ARHGAP24: variants seen among roughly 807,000 people sequenced by gnomAD.
ARHGAP24 encodes the protein rho GTPase-activating protein 24.
ARHGAP24 carries 50 observed loss-of-function variants against 76.4 expected under a neutral mutation model. The ratio of observed to expected loss-of-function variants is 0.65; its 90% CI spans 0.52 to 0.83. The LOEUF is 0.83. Ranked by LOEUF, ARHGAP24 falls within the 40% of genes least tolerant of loss-of-function variation. The pLI is 0.00. For synonymous variants in ARHGAP24, 345 were observed against 323.3 expected (o/e 1.07, Z -0.72); for missense variants, 930 against 914.2 (o/e 1.02, Z -0.22).
chr4:85,907,069 C>T (rs1014225274), intron 3 of ARHGAP24, among the ~76,000 whole-genome samples: 4 of 152,150 alleles, frequency 2.6e-5, no homozygotes, highest in African/African-American at 7.2e-5. Context: ...CTGATTTACA[C>T]GAACTCTTGC....
chr4:85,807,354 G>A (rs1464302177), intron 3 of ARHGAP24, among the ~76,000 whole-genome samples: 8 of 151,492 alleles, frequency 5.3e-5, no homozygotes, highest in Admixed American at 2.6e-4. Flanking sequence ...GTGAGAACAT[G>A]TGGTATTTGG....
chr4:85,519,399 C>G (rs192426058), intron 1 of ARHGAP24, among the ~76,000 whole-genome samples: 46 of 152,256 alleles, frequency 3.0e-4, no homozygotes, highest in South Asian at 1.7e-3. Context: ...CTACCTGGCT[C>G]TCTCCACATA....
intron 2 of ARHGAP24, among the ~76,000 whole-genome samples, chr4:85,587,603 G>GT (rs1727914032): frequency 6.6e-6 from 1 of 152,102 alleles, no homozygotes; most frequent in African/African-American, 2.4e-5. Flanking sequence ...CAGCCAGTGA[G>GT]TTTTTTTCTT....
At chr4:85,781,426 A>G (rs1232860862) in intron 3 of ARHGAP24, among the ~76,000 whole-genome samples, 1 of 152,210 alleles carries the variant, frequency 6.6e-6, no homozygotes, top group East Asian at 1.9e-4. Context: ...GATATATTAC[A>G]TACATTTATT....
chr4:85,741,271 G>A (rs1725815854), intron 3 of ARHGAP24, among the ~76,000 whole-genome samples: 1 of 152,156 alleles, frequency 6.6e-6, no homozygotes, highest in Non-Finnish European at 1.5e-5. Flanking sequence ...ACTAGAGATG[G>A]GGCTAGAATG....
chr4:85,528,883 CAGTGTT>C (rs1447686799), intron 1 of ARHGAP24, among the ~76,000 whole-genome samples: 3 of 151,978 alleles, frequency 2.0e-5, no homozygotes, highest in Non-Finnish European at 4.4e-5. Context: ...AGATAGAGGT[CAGTGTT>C]GGTGTCTCAG....
At chr4:85,627,945 G>T (rs1485755541) in intron 2 of ARHGAP24, among the ~76,000 whole-genome samples, 1 of 152,140 alleles carries the variant, frequency 6.6e-6, no homozygotes, top group African/African-American at 2.4e-5. Flanking sequence ...ATTAGGGTGG[G>T]AGTGACCCGA....
chr4:85,722,588 C>T (rs867333885), intron 3 of ARHGAP24: 19 of 156,820 alleles, frequency 1.2e-4, no homozygotes, highest in African/African-American at 4.3e-4. Context: ...TTTCGTTTTT[C>T]CTAGTCATCT....
intron 3 of ARHGAP24, chr4:85,778,680 C>T (rs913755219): frequency 8.1e-6 from 8 of 984,738 alleles, no homozygotes; most frequent in Non-Finnish European, 9.6e-6. Context: ...TTTTTTTCCC[C>T]TCTCTGTCTC....
At chr4:85,515,189 ATC>A (rs953559505) in intron 1 of ARHGAP24, among the ~76,000 whole-genome samples, 10 of 152,218 alleles carry the variant, frequency 6.6e-5, no homozygotes, top group African/African-American at 2.4e-4. Flanking sequence ...TGTTTCTATT[ATC>A]TGAGAATTCC....
intron 2 of ARHGAP24, among the ~76,000 whole-genome samples, chr4:85,697,748 T>G (rs1010493522): frequency 6.6e-6 from 1 of 152,136 alleles, no homozygotes; most frequent in Non-Finnish European, 1.5e-5. Flanking sequence ...CACTCCAGGT[T>G]AAGTGATGAG....
At chr4:85,935,913 G>C (rs1007440629) in intron 4 of ARHGAP24, among the ~76,000 whole-genome samples, 1 of 152,088 alleles carries the variant, frequency 6.6e-6, no homozygotes, top group Non-Finnish European at 1.5e-5. Flanking sequence ...ACATTCACTG[G>C]TTACGATAGA....
intron 2 of ARHGAP24, among the ~76,000 whole-genome samples, chr4:85,587,335 T>C (rs1442085364): frequency 6.6e-6 from 1 of 152,152 alleles, no homozygotes; most frequent in Non-Finnish European, 1.5e-5. Flanking sequence ...AGTTCCCCAG[T>C]AGTTAGAATA....
At chr4:85,839,953 G>A (rs1293099797) in intron 3 of ARHGAP24, among the ~76,000 whole-genome samples, 1 of 144,468 alleles carries the variant, frequency 6.9e-6, no homozygotes, top group African/African-American at 2.5e-5. Context: ...GGGTTCAAGC[G>A]ATTCTCCTGC....
At chr4:85,990,418 G>A (rs750335150) in intron 8 of ARHGAP24, 1 of 151,674 alleles carries the variant, frequency 6.6e-6, no homozygotes, top group Non-Finnish European at 1.5e-5. Context: ...ATTTTTATTT[G>A]TAGAGATTGA....
At chr4:85,842,078 G>C (rs1488876539) in intron 3 of ARHGAP24, among the ~76,000 whole-genome samples, 1 of 152,128 alleles carries the variant, frequency 6.6e-6, no homozygotes, top group African/African-American at 2.4e-5. Context: ...TACTGTACTT[G>C]AGTGATATAA....
chr4:85,487,154 A>G (rs900761789), intron 1 of ARHGAP24, among the ~76,000 whole-genome samples: 1 of 138,096 alleles, frequency 7.2e-6, no homozygotes, highest in East Asian at 2.0e-4. Flanking sequence ...GCTTGTGTGT[A>G]TATATATATA....
intron 3 of ARHGAP24, among the ~76,000 whole-genome samples, chr4:85,871,496 A>C (rs542185265): frequency 3.9e-5 from 6 of 152,164 alleles, no homozygotes; most frequent in Non-Finnish European, 8.8e-5. Flanking sequence ...GAAAAGGTAA[A>C]TCAGCCTTTC....
At chr4:85,497,860 A>G (rs939084595) in intron 1 of ARHGAP24, among the ~76,000 whole-genome samples, 12 of 152,186 alleles carry the variant, frequency 7.9e-5, no homozygotes, top group African/African-American at 2.9e-4. Context: ...AAAGAAATGC[A>G]GCACCATGTC....
Sources: gnomAD v4.1 joint callset for allele counts (sites outside exome capture counted in the v4.1 genomes callset) on GRCh38, gnomAD v4.1.1 for gene constraint, MANE v1.5 for transcripts, NCBI Gene and HGNC (gene_info 2026-07-23, HGNC 2026-07-21) for gene names.